Variants in RNF20 observed in about 807,000 individuals in gnomAD.
RNF20 encodes the protein E3 ubiquitin-protein ligase BRE1A.
RNF20 carries 84 observed loss-of-function variants against 126.2 expected under a neutral mutation model. The observed-to-expected ratio is 0.67, with a 90% CI of 0.56 to 0.80. The LOEUF (loss-of-function observed/expected upper bound fraction) is 0.80. RNF20 is among the 30% of genes least tolerant of loss of function. RNF20 has a pLI of 0.00. For missense variants in RNF20, 869 were observed against 1,188.2 expected (o/e 0.73, Z 3.95); for synonymous variants, 400 against 414.3 (o/e 0.97, Z 0.42).
intron 5 of RNF20, 21 bp from the exon 6 acceptor site, chr9:101,544,746 A>T: frequency 6.7e-7 from 1 of 1,486,088 alleles, no homozygotes. Flanking sequence ...GCTAAATTAA[A>T]GTATAGTTCT....
Position 101,547,165 on chromosome 9 carries a change from G to C in RNF20, c.923G>C (p.Gly308Ala). ...RVNSKGYKVY[G>A]AGSSLYGGTI... ...AATTCCAAAGGTTATAAGGTGTATGGAGCGGGGAGCAGTCTGTATGGCGGC... is the reference window on the plus strand; with the variant it reads ...AATTCCAAAGGTTATAAGGTGTATGCAGCGGGGAGCAGTCTGTATGGCGGC... Residue 308 changes from glycine to alanine, a missense_variant, in exon 8 of 20, where the codon GGA (glycine) becomes GCA (alanine). Physicochemically the swap from Gly to Ala is moderately conservative, Grantham distance 60 (BLOSUM62 0). Transcript: ENST00000389120. 1 of 1,614,076 alleles carries C rather than the reference G, an allele frequency of 6.2e-7. No individual in the cohort carries two copies. Among genetic ancestry groups the C allele is most frequent in the Non-Finnish European group, 8.5e-7 (1 of 1,179,982 alleles).
chr9:101,554,009 G>A lies in RNF20; in HGVS notation c.1923G>A (p.Lys641=), dbSNP rs754182820. The stretch of plus-strand genomic sequence containing the variant: ...ATAGGAAGGCACAGGAGAGCCAAAA[G>A]GAGATGAAACTATTGCTGGATATGT... ...IELKKAQESQ[K]EMKLLLDMYR... Residue 641 remains lysine, a synonymous_variant, in exon 14 of 20, where the codon AAG becomes AAA. Coordinates refer to ENST00000389120, the MANE Select transcript of RNF20 (RefSeq NM_019592.7). 5 of 1,612,602 alleles carry A rather than the reference G, an allele frequency of 3.1e-6. No individual in the cohort carries two copies. The highest frequency in any genetic ancestry group is 4.2e-6 in the Non-Finnish European group (5 of 1,178,998).
At chr9:101,535,610 C>G (rs1222523200) in intron 2 of RNF20, 58 bp downstream of exon 2, 3 of 1,562,342 alleles carry the variant, frequency 1.9e-6, no homozygotes, top group East Asian at 2.3e-5. Flanking sequence ...CAACTTGAAA[C>G]TAAAAATTCA....
intron 2 of RNF20, among the ~76,000 whole-genome samples, chr9:101,539,672 T>C: frequency 6.6e-6 from 1 of 152,184 alleles, no homozygotes; most frequent in Non-Finnish European, 1.5e-5. Flanking sequence ...AAGTCTGAGA[T>C]GTGTCTTTTG....
At chr9:101,547,271 TACTTAGGACTGTGTTC>T in intron 8 of RNF20, 57 bp downstream of exon 8, 1 of 1,598,952 alleles carries the variant, frequency 6.3e-7, no homozygotes, top group Non-Finnish European at 8.6e-7. Context: ...CATGCTTAGG[TACTTAGGACTGTGTTC>T]ACAAGTGACA....
At chr9:101,553,933 ATGACCTTTAT>A in intron 13 of RNF20, 45 bp from the exon 14 acceptor site, 1 of 976,384 alleles carries the variant, frequency 1.0e-6, no homozygotes, top group Non-Finnish European at 1.6e-6. Context: ...CCTTGCTCTG[ATGACCTTTAT>A]TTTCTTATTA....
intron 6 of RNF20, 88 bp downstream of exon 6, chr9:101,544,973 A>G (rs760056071): frequency 2.1e-4 from 169 of 818,420 alleles, no homozygotes; most frequent in Non-Finnish European, 3.2e-4. Flanking sequence ...AGATTACCTT[A>G]CTCTAGAAGG....
intron 17 of RNF20, 73 bp from the exon 18 acceptor site, chr9:101,561,017 T>C: frequency 6.2e-7 from 1 of 1,600,422 alleles, no homozygotes; most frequent in South Asian, 1.1e-5. Flanking sequence ...TTCCTTCAAC[T>C]TGGGCTAACA....
intron 1 of RNF20, among the ~76,000 whole-genome samples, chr9:101,535,185 A>T (rs1373777651): frequency 2.0e-5 from 3 of 151,126 alleles, no homozygotes; most frequent in African/African-American, 7.3e-5. Context: ...GGGATTACAG[A>T]CATGAGCCAC....
Position 101,544,779 on chromosome 9 carries a change from T to C in RNF20, c.641T>C (p.Val214Ala). Residue 214 changes from valine to alanine, a missense_variant, in exon 6 of 20, where the codon GTG (valine) becomes GCG (alanine). Val to Ala is a moderately conservative substitution (Grantham distance 64). Transcript: ENST00000389120. ...RKLNSGDNLIVEEAVQELNSF... is the reference protein window; with the variant it reads ...RKLNSGDNLIAEEAVQELNSF... Reference sequence around the variant, plus strand: ...TCTTCTTCCCCAGATAATCTGATAGTGGAGGAAGCAGTGCAGGAGCTGAAC... The same window carrying C: ...TCTTCTTCCCCAGATAATCTGATAGCGGAGGAAGCAGTGCAGGAGCTGAAC... The C allele has an allele frequency of 4.4e-6, 7 of 1,601,458 alleles. No individual in the cohort carries two copies. The highest frequency in any genetic ancestry group is 4.5e-5 in the East Asian group (2 of 44,804).
At chr9:101,539,688 C>T (rs978642028) in intron 2 of RNF20, among the ~76,000 whole-genome samples, 2 of 152,114 alleles carry the variant, frequency 1.3e-5, no homozygotes, top group Non-Finnish European at 2.9e-5. Flanking sequence ...TTTTGAAGTG[C>T]ATGGCTGAAG....
At chr9:101,553,004 A>G (rs1219575216) in intron 13 of RNF20, among the ~76,000 whole-genome samples, 1 of 151,956 alleles carries the variant, frequency 6.6e-6, no homozygotes, top group African/African-American at 2.4e-5. Flanking sequence ...CAAATTAAGG[A>G]AAAGGATGTC....
intron 10 of RNF20, 108 bp downstream of exon 10, chr9:101,550,893 T>G (rs185475550): frequency 1.9e-6 from 2 of 1,029,672 alleles, no homozygotes; most frequent in Non-Finnish European, 1.5e-6. Flanking sequence ...CTGTCATTCA[T>G]AGAGTGGCAG....
Position 101,562,702 on chromosome 9 carries a change from G to T in RNF20, c.*280G>T. 3.6e-6 allele frequency: 1 copy of T among 281,652 alleles called. No homozygotes were observed. The highest frequency in any genetic ancestry group is 6.6e-6 in the Non-Finnish European group (1 of 151,412). The allele number at this position is 281,652 out of a possible 1,614,324, so 17.4% of individuals were successfully genotyped here. ...TTATTTTGTGCTTTTAGACTTTTCA[G>T]TGTTTTCTTTTTCCAGCCCACTGTA... is the stretch of plus-strand genomic sequence containing the variant. On this transcript the variant is annotated 3_prime_UTR_variant, in exon 20 of 20. Transcript: ENST00000389120.
rs751295595 is a variant in RNF20, at chr9:101,560,846, C to A, written c.2428C>A (p.His810Asn). ...QVVRKLEEKE[H>N]LLQSNIGTGE... Reference sequence around the variant, plus strand: ...AGTAAGGAAACTGGAAGAGAAGGAGCATCTGTTACAGAGCAACATTGGCAC... The same window carrying A: ...AGTAAGGAAACTGGAAGAGAAGGAGAATCTGTTACAGAGCAACATTGGCAC... The change falls in exon 17 of 20, where the codon CAT (histidine) becomes AAT (asparagine). Residue 810 changes from histidine (H) to asparagine (N), a missense_variant. Physicochemically the swap from His to Asn is moderately conservative, Grantham distance 68. This residue lies in a region of RNF20 where 150 missense variants were observed against 173.7 expected (regional missense o/e 0.86). Coordinates refer to ENST00000389120, the MANE Select transcript of RNF20 (RefSeq NM_019592.7). The A allele has an allele frequency of 1.2e-6, 2 of 1,613,360 alleles. No homozygotes were observed. Among genetic ancestry groups the A allele is most frequent in the South Asian group, 2.2e-5 (2 of 91,054 alleles).
intron 5 of RNF20, 43 bp from the exon 6 acceptor site, chr9:101,544,724 G>T (rs1329225276): frequency 6.4e-5 from 72 of 1,131,610 alleles, no homozygotes; most frequent in Non-Finnish European, 8.5e-5. Flanking sequence ...AAAAAAAAAT[G>T]ACACTCTAGA....
intron 16 of RNF20, among the ~76,000 whole-genome samples, chr9:101,559,218 T>C (rs1180289640): frequency 2.0e-5 from 3 of 152,156 alleles, no homozygotes; most frequent in Admixed American, 6.6e-5. Flanking sequence ...CGTATTTGGC[T>C]TTATTTCTGG....
Position 101,540,571 on chromosome 9 carries a change from CTTG to C in RNF20, c.384_386del (p.Val129del). 1.2e-6 allele frequency: 2 copies of C among 1,614,020 alleles called. No individual in the cohort carries two copies. Among genetic ancestry groups the C allele is most frequent in the South Asian group, 1.1e-5 (1 of 91,078 alleles). ...AGACCTACTCACAGAACGAAAAGCC[CTTG>C]TTGTGCCTGAACCAGAACCAGACTC... On this transcript the variant is annotated inframe_deletion, in exon 4 of 20. Transcript: ENST00000389120.
In RNF20 at chr9:101,551,560, T is replaced by C. The variant is rs114988989; in HGVS notation, c.1273-124T>C. On this transcript the variant is annotated intron_variant, in intron 10 of 19. Transcript: ENST00000389120. Reference sequence around the variant, plus strand: ...TCCTGTCAGTTTCCAAATTAGTCTTTTGTAGATATCTGGTTTCATTACGTA... The same window carrying C: ...TCCTGTCAGTTTCCAAATTAGTCTTCTGTAGATATCTGGTTTCATTACGTA... 1.2e-3 allele frequency: 866 copies of C among 697,732 alleles called. 10 individuals carry two copies. The African/African-American group carries it at 0.015, about 12-fold the overall frequency. The allele number at this position is 697,732 out of a possible 1,614,324, so 43.2% of individuals were successfully genotyped here.
Sources: allele counts gnomAD v4.1 joint callset (sites outside exome capture counted in the v4.1 genomes callset), GRCh38; gene constraint gnomAD v4.1.1; regional missense constraint gnomAD v4.1.1; transcripts MANE v1.5; gene names NCBI Gene and HGNC (gene_info 2026-07-23, HGNC 2026-07-21).